Variants in PRKAR1B observed in about 807,000 individuals in gnomAD.
PRKAR1B encodes the protein protein kinase cAMP-dependent type I regulatory subunit beta.
Under a neutral mutation model 46.5 loss-of-function variants are expected in PRKAR1B, and 22 were observed. That is an observed-to-expected ratio of 0.47 (90% CI 0.34 to 0.68). PRKAR1B has a LOEUF of 0.68. Ranked by LOEUF, PRKAR1B falls within the 30% of genes least tolerant of loss-of-function variation. The pLI is 0.01. For missense variants in PRKAR1B, 445 were observed against 535.6 expected (o/e 0.83, Z 1.67); for synonymous variants, 259 against 217.7 (o/e 1.19, Z -1.67).
intron 4 of PRKAR1B, among the ~76,000 whole-genome samples, chr7:649,979 ATTT>A (rs762320346): frequency 2.1e-4 from 29 of 135,274 alleles, no homozygotes; most frequent in East Asian, 2.1e-3. Flanking sequence ...GGCCCAGCTA[ATTT>A]TTTTTTTTTT....
chr7:587,785 T>C (rs1780682732), intron 7 of PRKAR1B, among the ~76,000 whole-genome samples: 1 of 150,828 alleles, frequency 6.6e-6, no homozygotes, highest in African/African-American at 2.4e-5. Context: ...CCTGCAGGAG[T>C]GGAGCAGAGG....
intron 9 of PRKAR1B, among the ~76,000 whole-genome samples, chr7:571,020 G>A (rs1253287981): frequency 6.6e-6 from 1 of 152,216 alleles, no homozygotes. Flanking sequence ...CATCTCTCCA[G>A]CCCCGGGACC....
chr7:632,365 G>A (rs778286545), intron 4 of PRKAR1B, among the ~76,000 whole-genome samples: 10 of 152,118 alleles, frequency 6.6e-5, no homozygotes, highest in African/African-American at 1.2e-4. Context: ...GACTCGAGAC[G>A]AATCCTCCTG....
Position 676,587 on chromosome 7 carries a change from C to T in PRKAR1B, c.440+642G>A, listed in dbSNP as rs534076998. On this transcript the variant is annotated intron_variant, in intron 4 of 10. Coordinates refer to ENST00000537384, the MANE Select transcript of PRKAR1B (RefSeq NM_001164760.2). ...ATCCAGACCCCCTATTTGAGGAAGG[C>T]AGCCGGGCCTTCCCAGAGCAGGGAC... Among the ~76,000 whole-genome samples the T allele has an allele frequency of 1.4e-3, 216 of 152,358 alleles. 2 individuals are homozygous for T. Among genetic ancestry groups the T allele is most frequent in the Non-Finnish European group, 1.5e-3 (100 of 68,030 alleles).
At chr7:641,547 C>T (rs964149149) in intron 4 of PRKAR1B, among the ~76,000 whole-genome samples, 1 of 152,096 alleles carries the variant, frequency 6.6e-6, no homozygotes, top group Non-Finnish European at 1.5e-5. Context: ...ACCCAGATGA[C>T]GCCGTATTGT....
intron 8 of PRKAR1B, among the ~76,000 whole-genome samples, chr7:581,422 G>A (rs1246408130): frequency 6.6e-6 from 1 of 152,108 alleles, no homozygotes; most frequent in Non-Finnish European, 1.5e-5. Flanking sequence ...AAATGATGCA[G>A]GTGATTTTTT....
intron 4 of PRKAR1B, among the ~76,000 whole-genome samples, chr7:611,575 C>A (rs949819421): frequency 6.6e-6 from 1 of 152,238 alleles, no homozygotes; most frequent in African/African-American, 2.4e-5. Flanking sequence ...GTGCTTCTCA[C>A]TCCACGGATG....
rs1417636157 is a variant in PRKAR1B at position 593,500 on chromosome 7, T to C, written c.708+2646A>G. Among the ~76,000 whole-genome samples the C allele has an allele frequency of 6.6e-6, 1 of 152,150 alleles. No homozygotes were observed. The highest frequency in any genetic ancestry group is 6.5e-5 in the Admixed American group (1 of 15,280). The stretch of plus-strand genomic sequence containing the variant: ...TCAGTGGTTTGGGAACTTCCCTGAA[T>C]ATAAGGTTCCAGCCACAAAAATCCC... On this transcript the variant is annotated intron_variant, in intron 7 of 10. Coordinates refer to ENST00000537384, the MANE Select transcript of PRKAR1B (RefSeq NM_001164760.2). This position sits in a 1 kb window ranked among gnomAD's most constrained non-coding sequence, Gnocchi z 6.1.
chr7:641,206 C>T (rs1483705436), intron 4 of PRKAR1B, among the ~76,000 whole-genome samples: 11 of 152,174 alleles, frequency 7.2e-5, no homozygotes, highest in Admixed American at 6.5e-4. Flanking sequence ...CCCGCCTCGG[C>T]CTCCCAAAGT....
intron 2 of PRKAR1B, among the ~76,000 whole-genome samples, chr7:694,010 C>T (rs1183255506): frequency 6.6e-6 from 1 of 152,194 alleles, no homozygotes; most frequent in Non-Finnish European, 1.5e-5. Context: ...CTCGGCCGGG[C>T]GTGGTGGCTC....
intron 4 of PRKAR1B, among the ~76,000 whole-genome samples, chr7:655,026 T>G (rs377048375): frequency 3.3e-5 from 5 of 152,222 alleles, no homozygotes; most frequent in Non-Finnish European, 5.9e-5. Context: ...CCACTGCCAG[T>G]GGTACTGCCC....
At chr7:603,735 A>G in intron 6 of PRKAR1B, among the ~76,000 whole-genome samples, 1 of 94,108 alleles carries the variant, frequency 1.1e-5, no homozygotes, top group Non-Finnish European at 2.0e-5. Flanking sequence ...CAGGATCCAG[A>G]GTGGAGAGGG....
intron 9 of PRKAR1B, 63 bp downstream of exon 9, chr7:579,193 A>G: frequency 6.2e-7 from 1 of 1,611,776 alleles, no homozygotes; most frequent in Non-Finnish European, 8.5e-7. Flanking sequence ...GGAAGAGGAG[A>G]AGGTAAGAAG....
chr7:623,848 G>A (rs570454730), intron 4 of PRKAR1B, among the ~76,000 whole-genome samples: 1 of 152,312 alleles, frequency 6.6e-6, no homozygotes, highest in South Asian at 2.1e-4. Context: ...AATGGCCAGG[G>A]TTCAGGGTAT....
rs977291703 is a variant in PRKAR1B at position 666,167 on chromosome 7, C to T, written c.440+11062G>A. Among the ~76,000 whole-genome samples, 1 of 152,216 alleles carries T rather than the reference C, an allele frequency of 6.6e-6. No individual in the cohort carries two copies. Among genetic ancestry groups the T allele is most frequent in the African/African-American group, 2.4e-5 (1 of 41,460 alleles). Reference sequence around the variant, plus strand: ...TACAGGCGCCCTAATCAGGGAAAGCCGGGAAGGGACCGGGATAGAACCCAA... The same window carrying T: ...TACAGGCGCCCTAATCAGGGAAAGCTGGGAAGGGACCGGGATAGAACCCAA... On this transcript the variant is annotated intron_variant, in intron 4 of 10. Transcript: ENST00000537384. The surrounding 1 kb of genome is among the most constrained non-coding windows in gnomAD (Gnocchi z 4.9).
chr7:695,913 CTT>C (rs1779711070), intron 2 of PRKAR1B, among the ~76,000 whole-genome samples: 2 of 150,002 alleles, frequency 1.3e-5, no homozygotes, highest in Non-Finnish European at 2.9e-5. Context: ...ATTCACCCCT[CTT>C]GGCCTCCCAA....
chr7:586,733 G>T (rs2128448977), intron 7 of PRKAR1B, among the ~76,000 whole-genome samples: 1 of 152,330 alleles, frequency 6.6e-6, no homozygotes, highest in South Asian at 2.1e-4. Flanking sequence ...AATCCTAAGG[G>T]TAAGGATAGG....
intron 9 of PRKAR1B, among the ~76,000 whole-genome samples, chr7:559,436 G>A (rs879492734): frequency 1.5e-4 from 23 of 152,198 alleles, no homozygotes; most frequent in Admixed American, 9.8e-4. Flanking sequence ...GATCTGCTCC[G>A]TCTCAGGGCT....
chr7:549,579 G>T lies in PRKAR1B; in HGVS notation c.*851C>A, dbSNP rs1036048623. On this transcript the variant is annotated 3_prime_UTR_variant, in exon 11 of 11. Coordinates refer to ENST00000537384, the MANE Select transcript of PRKAR1B (RefSeq NM_001164760.2). ...CATTTAAGGGACAAGTCGGTTGAGC[G>T]GGTCGGGGCGTGTGGGGCCCGCGGC... 6.6e-6 allele frequency: 1 copy of T among 152,382 alleles called. No homozygotes were observed. The highest frequency in any genetic ancestry group is 2.4e-5 in the African/African-American group (1 of 41,462). The allele number at this position is 152,382 out of a possible 1,614,324, so 9.4% of individuals were successfully genotyped here. A position where few individuals can be genotyped will look rare whatever the true frequency, so the allele number is the denominator to read the frequency against.
Sources: allele counts gnomAD v4.1 joint callset (sites outside exome capture counted in the v4.1 genomes callset), GRCh38; gene constraint gnomAD v4.1.1; non-coding constraint Gnocchi (gnomAD v3.1); transcripts MANE v1.5; gene names NCBI Gene and HGNC (gene_info 2026-07-23, HGNC 2026-07-21).